Variants in TMEM116 observed in about 807,000 individuals in gnomAD.
The protein encoded by TMEM116 is transmembrane protein 116.
In TMEM116, 38 loss-of-function variants were observed where a neutral mutation model predicts 44.3. The ratio of observed to expected loss-of-function variants is 0.86; its 90% CI spans 0.66 to 1.12. The LOEUF (loss-of-function observed/expected upper bound fraction) is 1.12. Among genes scored for constraint, TMEM116 ranks in the 50% most tolerant of loss-of-function variants. TMEM116 has a pLI of 0.00. For synonymous variants in TMEM116, 132 were observed against 144.8 expected (o/e 0.91, Z 0.64); for missense variants, 354 against 401.7 (o/e 0.88, Z 1.01).
chr12:111,935,616 G>A (rs1308959080), intron 8 of TMEM116: 1 of 91,214 alleles, frequency 1.1e-5, no homozygotes, highest in African/African-American at 3.6e-5. Context: ...GCCATCTCGT[G>A]TGTGTGTGTG....
At chr12:111,997,740 A>C (rs138480612) in intron 3 of TMEM116, among the ~76,000 whole-genome samples, 148 of 152,316 alleles carry the variant, frequency 9.7e-4, no homozygotes, top group African/African-American at 3.4e-3. Flanking sequence ...GATGCTAATT[A>C]ATATCTTGTT....
intron 3 of TMEM116, among the ~76,000 whole-genome samples, chr12:111,996,693 C>CATGTACAAGAATGCTTATAGCAGCATA (rs1169231585): frequency 6.6e-6 from 1 of 151,934 alleles, no homozygotes; most frequent in Non-Finnish European, 1.5e-5. Context: ...CACCAGAAAA[C>CATGTACAAGAATGCTTATAGCAGCATA]ATGTACAAGA....
At chr12:112,011,750 T>A (rs1485109056) in intron 1 of TMEM116, 1 of 152,238 alleles carries the variant, frequency 6.6e-6, no homozygotes, top group East Asian at 1.9e-4. Flanking sequence ...CAGACTGGAG[T>A]GCAGTGGCAG....
At chr12:111,944,869 G>A (rs1343759493) in intron 4 of TMEM116, among the ~76,000 whole-genome samples, 1 of 151,956 alleles carries the variant, frequency 6.6e-6, no homozygotes, top group African/African-American at 2.4e-5. Context: ...CTTCTGTAAT[G>A]GGACCAAATT....
intron 4 of TMEM116, among the ~76,000 whole-genome samples, chr12:111,962,403 G>A (rs2074659452): frequency 1.3e-5 from 2 of 152,152 alleles, no homozygotes; most frequent in Non-Finnish European, 2.9e-5. Context: ...CATGCCACCT[G>A]ACTTCAAACT....
At chr12:111,958,277 T>TAAAA (rs61637468) in intron 4 of TMEM116, among the ~76,000 whole-genome samples, 13 of 27,516 alleles carry the variant, frequency 4.7e-4, no homozygotes, top group Non-Finnish European at 1.0e-3. Flanking sequence ...CAATAAATAC[T>TAAAA]AAAAAAAAAA....
chr12:111,935,613 CGTGT>C (rs35906022), intron 8 of TMEM116: 1,695 of 120,316 alleles, frequency 0.014, 19 homozygotes, highest in South Asian at 0.018. Context: ...TGAGCCATCT[CGTGT>C]GTGTGTGTGT....
chr12:111,960,408 C>T (rs549148745), intron 4 of TMEM116, among the ~76,000 whole-genome samples: 5 of 144,732 alleles, frequency 3.5e-5, no homozygotes, highest in Admixed American at 7.3e-5. Context: ...AGGAGAATGA[C>T]GTGAACCCGG....
At chr12:111,971,769 C>A (rs1428493594) in intron 4 of TMEM116, among the ~76,000 whole-genome samples, 1 of 151,896 alleles carries the variant, frequency 6.6e-6, no homozygotes, top group Non-Finnish European at 1.5e-5. Context: ...ACATAAAACA[C>A]AAACAAATTA....
intron 5 of TMEM116, among the ~76,000 whole-genome samples, 165 bp downstream of exon 5, chr12:111,943,100 T>A (rs914304784): frequency 1.3e-5 from 2 of 152,098 alleles, no homozygotes; most frequent in Admixed American, 1.3e-4. Flanking sequence ...TTTTTTGGTA[T>A]TTTTTGTAGA....
In TMEM116 at chr12:111,991,745, T is replaced by C; in HGVS notation, c.210+13A>G. On this transcript the variant is annotated intron_variant, in intron 4 of 10. Transcript: ENST00000552374. ...TTTCTTGCAAGGTGCAGTGACAGTC[T>C]TGTAGCACTCACCTGTCCAACTGCT... The C allele has an allele frequency of 6.5e-7, 1 of 1,533,846 alleles. No homozygotes were observed. Among genetic ancestry groups the C allele is most frequent in the Non-Finnish European group, 8.7e-7 (1 of 1,145,516 alleles).
At chr12:112,009,371 G>A (rs1448940776) in intron 1 of TMEM116, among the ~76,000 whole-genome samples, 1 of 151,820 alleles carries the variant, frequency 6.6e-6, no homozygotes, top group African/African-American at 2.4e-5. Context: ...CTAGAAACCT[G>A]GTAATAACTA....
chr12:111,973,084 G>A (rs993001352), intron 4 of TMEM116, among the ~76,000 whole-genome samples: 4 of 152,304 alleles, frequency 2.6e-5, no homozygotes, highest in African/African-American at 9.6e-5. Context: ...GCTGCAGTGA[G>A]CTGAGATTGC....
chr12:111,945,343 C>CAAAA (rs917839133), intron 4 of TMEM116, among the ~76,000 whole-genome samples: 18 of 33,800 alleles, frequency 5.3e-4, no homozygotes, highest in Non-Finnish European at 8.5e-4. Flanking sequence ...GACTCCATCT[C>CAAAA]AAAAAAAAAA....
At chr12:111,986,952 G>T (rs1337427597) in intron 4 of TMEM116, among the ~76,000 whole-genome samples, 1 of 152,070 alleles carries the variant, frequency 6.6e-6, no homozygotes, top group East Asian at 1.9e-4. Flanking sequence ...ACTCTTAAAA[G>T]AAAATATAGC....
At chr12:111,989,457 C>T (rs1406862723) in intron 4 of TMEM116, among the ~76,000 whole-genome samples, 2 of 152,196 alleles carry the variant, frequency 1.3e-5, no homozygotes, top group African/African-American at 4.8e-5. Context: ...AGTCTCAAAC[C>T]AGCGTAGCCA....
chr12:111,935,647 TGTGTGTGTGTGTG>T, intron 8 of TMEM116: 1 of 154,380 alleles, frequency 6.5e-6, no homozygotes, highest in Admixed American at 6.6e-5. Context: ...TGTGTGTGTG[TGTGTGTGTGTGTG>T]TTTTGAGACA....
chr12:112,006,088 C>G, intron 1 of TMEM116: 1 of 462,742 alleles, frequency 2.2e-6, no homozygotes, highest in Non-Finnish European at 2.8e-6. Context: ...CCACCCCTAT[C>G]CCAGCTGGGC....
chr12:111,963,302 A>G (rs1470962544), intron 4 of TMEM116, among the ~76,000 whole-genome samples: 1 of 152,218 alleles, frequency 6.6e-6, no homozygotes, highest in African/African-American at 2.4e-5. Context: ...ATACCATTTG[A>G]CCCAGCAATC....
Sources: gnomAD v4.1 joint callset for allele counts (sites outside exome capture counted in the v4.1 genomes callset) on GRCh38, gnomAD v4.1.1 for gene constraint, MANE v1.5 for transcripts, NCBI Gene and HGNC (gene_info 2026-07-23, HGNC 2026-07-21) for gene names.